Variants in CNTNAP2 observed in about 807,000 individuals in gnomAD.
CNTNAP2 encodes the protein contactin-associated protein-like 2.
CNTNAP2 carries 98 observed loss-of-function variants against 155.2 expected under a neutral mutation model. That is an observed-to-expected ratio of 0.63 (90% confidence interval 0.54 to 0.75). CNTNAP2 has a LOEUF of 0.75. Among genes scored for constraint, CNTNAP2 ranks in the 30% least tolerant of loss-of-function variants. The probability of loss-of-function intolerance (pLI) is 0.00; values close to 1 mark genes in which losing one functional copy is unlikely to be tolerated. For missense variants in CNTNAP2, 1,727 were observed against 1,688.1 expected, an observed-to-expected ratio of 1.02 and a Z score of -0.40; for synonymous variants, 651 against 631.2, an observed-to-expected ratio of 1.03 and a Z score of -0.47.
chr7:146,182,540 C>T (rs964123377), intron 1 of CNTNAP2, among the ~76,000 whole-genome samples: 2 of 152,074 alleles, frequency 1.3e-5, no homozygotes, highest in Admixed American at 6.6e-5. Flanking sequence ...CTCATGAGTT[C>T]TTTTTTTCAC....
At chr7:148,231,003 A>T (rs1795950853) in intron 20 of CNTNAP2, among the ~76,000 whole-genome samples, 1 of 152,196 alleles carries the variant, frequency 6.6e-6, no homozygotes, top group South Asian at 2.1e-4. Flanking sequence ...TTTTGATTAG[A>T]GACTTTTTCC....
intron 10 of CNTNAP2, among the ~76,000 whole-genome samples, chr7:147,426,415 A>G (rs146375179): frequency 6.6e-6 from 1 of 152,222 alleles, no homozygotes; most frequent in African/African-American, 2.4e-5. Context: ...CTTGAACATG[A>G]CTTCTCTGAC....
At chr7:146,601,674 C>A (rs1268787731) in intron 1 of CNTNAP2, among the ~76,000 whole-genome samples, 1 of 151,814 alleles carries the variant, frequency 6.6e-6, no homozygotes, top group African/African-American at 2.4e-5. Context: ...TGAAGAAAAA[C>A]AACATGGGAG....
rs550389683 is a variant in CNTNAP2 at position 147,555,895 on chromosome 7, C to G, written c.1778-6243C>G. On this transcript the variant is annotated intron_variant, in intron 11 of 23. Coordinates refer to ENST00000361727, the MANE Select transcript of CNTNAP2 (RefSeq NM_014141.6). The stretch of plus-strand genomic sequence containing the variant: ...ATAGGGCCTCCTTCATGTTTCTCCC[C>G]CTACCCTATCCATTCTTTAATCGAT... Among the ~76,000 whole-genome samples the G allele has an allele frequency of 1.9e-4, 29 of 152,322 alleles. No homozygotes were observed. In the South Asian group the frequency reaches 2.1e-3, roughly 11 times the overall value.
chr7:146,145,025 G>T lies in CNTNAP2; in HGVS notation c.97+28052G>T, dbSNP rs558739290. ...TCAGTTGATGGATTTGATGAATTTT[G>T]TCCAAACGTTGGAATTTGGACTGGT... is the stretch of plus-strand genomic sequence containing the variant. On this transcript the variant is annotated intron_variant, in intron 1 of 23. Coordinates refer to ENST00000361727, the MANE Select transcript of CNTNAP2 (RefSeq NM_014141.6). 3.3e-5 allele frequency among the ~76,000 whole-genome samples: 5 copies of T among 152,282 alleles called. 1 individual carries two copies. In the South Asian group the frequency reaches 1.0e-3, roughly 32 times the overall value.
At chr7:147,129,267 G>T (rs550232321) in intron 7 of CNTNAP2, among the ~76,000 whole-genome samples, 6 of 152,188 alleles carry the variant, frequency 3.9e-5, no homozygotes, top group African/African-American at 1.2e-4. Flanking sequence ...TGCTTCCAAA[G>T]ATGATTTGTT....
intron 1 of CNTNAP2, among the ~76,000 whole-genome samples, chr7:146,462,209 A>G (rs768941140): frequency 5.9e-5 from 9 of 152,198 alleles, no homozygotes; most frequent in Non-Finnish European, 1.3e-4. Flanking sequence ...TGTGTAGCAC[A>G]CTGTTTTATC....
intron 14 of CNTNAP2, among the ~76,000 whole-genome samples, chr7:147,942,296 T>C (rs990079884): frequency 3.3e-5 from 5 of 152,212 alleles, no homozygotes; most frequent in Non-Finnish European, 7.3e-5. Context: ...TGCTGATCAA[T>C]TTCCTAGTGA....
chr7:147,561,731 G>A (rs1298695313), intron 11 of CNTNAP2, among the ~76,000 whole-genome samples: 1 of 152,144 alleles, frequency 6.6e-6, no homozygotes, highest in Non-Finnish European at 1.5e-5. Flanking sequence ...GAGGCAGAGA[G>A]AGTGAAGGGT....
At chr7:148,161,668 C>A (rs879434215) in intron 17 of CNTNAP2, among the ~76,000 whole-genome samples, 1 of 152,154 alleles carries the variant, frequency 6.6e-6, no homozygotes, top group African/African-American at 2.4e-5. Context: ...CCTCTCACTA[C>A]CCGTTCCTCC....
chr7:146,881,895 C>G (rs907634279), intron 3 of CNTNAP2, among the ~76,000 whole-genome samples: 2 of 151,512 alleles, frequency 1.3e-5, no homozygotes, highest in African/African-American at 4.9e-5. Flanking sequence ...GTTTGAAGCA[C>G]AAATATATTC....
intron 11 of CNTNAP2, among the ~76,000 whole-genome samples, chr7:147,560,334 C>T (rs919413309): frequency 6.6e-6 from 1 of 152,128 alleles, no homozygotes; most frequent in African/African-American, 2.4e-5. Context: ...TATTGCATTG[C>T]TGCACAGAGT....
chr7:147,391,980 T>C lies in CNTNAP2; in HGVS notation c.1499-3629T>C, dbSNP rs116678158. 5.2e-3 allele frequency among the ~76,000 whole-genome samples: 794 copies of C among 152,272 alleles called. 9 individuals carry two copies. Among genetic ancestry groups the C allele is most frequent in the African/African-American group, 0.018 (766 of 41,548 alleles). Reference sequence around the variant, plus strand: ...AGCTTTTTCTCTCCCATTTTCTTTTTCTTTTACTATAAACAGAAGATGCCC... The same window carrying C: ...AGCTTTTTCTCTCCCATTTTCTTTTCCTTTTACTATAAACAGAAGATGCCC... On this transcript the variant is annotated intron_variant, in intron 9 of 23. Coordinates refer to ENST00000361727, the MANE Select transcript of CNTNAP2 (RefSeq NM_014141.6).
At chr7:147,365,193 C>G (rs1043470901) in intron 9 of CNTNAP2, among the ~76,000 whole-genome samples, 1 of 151,876 alleles carries the variant, frequency 6.6e-6, no homozygotes, top group Non-Finnish European at 1.5e-5. Flanking sequence ...CACCTGAGGT[C>G]AGGAGTTTGA....
chr7:146,459,701 T>G (rs952527671), intron 1 of CNTNAP2, among the ~76,000 whole-genome samples: 9 of 152,158 alleles, frequency 5.9e-5, no homozygotes, highest in Non-Finnish European at 1.3e-4. Context: ...ACAAGCGCGG[T>G]GCCTCACGCC....
intron 13 of CNTNAP2, among the ~76,000 whole-genome samples, chr7:147,773,480 A>G (rs1312537020): frequency 6.6e-6 from 1 of 152,184 alleles, no homozygotes; most frequent in Non-Finnish European, 1.5e-5. Flanking sequence ...TAGTAAAACA[A>G]AAACAAAAAC....
intron 13 of CNTNAP2, among the ~76,000 whole-genome samples, chr7:147,720,710 C>G (rs940899192): frequency 4.6e-5 from 7 of 152,228 alleles, no homozygotes; most frequent in African/African-American, 1.7e-4. Context: ...CTTCTCCTTC[C>G]TGCCGCCTTG....
intron 15 of CNTNAP2, among the ~76,000 whole-genome samples, chr7:148,104,000 C>T (rs1031833586): frequency 6.6e-6 from 1 of 152,236 alleles, no homozygotes; most frequent in South Asian, 2.1e-4. Flanking sequence ...CAAAATGCTT[C>T]TGTATGATGT....
At chr7:146,819,605 C>A (rs1563244821) in intron 2 of CNTNAP2, among the ~76,000 whole-genome samples, 1 of 152,102 alleles carries the variant, frequency 6.6e-6, no homozygotes, top group Non-Finnish European at 1.5e-5. Flanking sequence ...CTACTGATGA[C>A]TCCTAAATTT....
Sources: gnomAD v4.1 joint callset for allele counts (sites outside exome capture counted in the v4.1 genomes callset) on GRCh38, gnomAD v4.1.1 for gene constraint, MANE v1.5 for transcripts, NCBI Gene and HGNC (gene_info 2026-07-23, HGNC 2026-07-21) for gene names.